The following ITGA3 variants were observed in gnomAD, a reference collection of about 807,000 sequenced individuals.
ITGA3 encodes integrin subunit alpha 3, also known as integrin alpha-3.
Under a neutral mutation model 131.1 loss-of-function variants are expected in ITGA3, and 70 were observed. The ratio of observed to expected loss-of-function variants is 0.53; its 90% CI spans 0.44 to 0.65. The LOEUF (loss-of-function observed/expected upper bound fraction) is 0.65. ITGA3 is among the 30% of genes least tolerant of loss of function. ITGA3 has a pLI of 0.00. For missense variants in ITGA3, 1,098 were observed against 1,388.6 expected (o/e 0.79, Z 3.33); for synonymous variants, 537 against 571.6 (o/e 0.94, Z 0.86).
rs755909226 is a variant in ITGA3, at chr17:50,064,242, G to A, written c.334+38G>A. On this transcript the variant is annotated intron_variant, in intron 2 of 25. Transcript: ENST00000320031. This position sits in a 1 kb window ranked among gnomAD's most constrained non-coding sequence, Gnocchi z 4.4. ...GGCTGGGGAGGGGTGCTGGGTCAGA[G>A]GTCTGGCAGGGGGGTACCGCAGAGA... 6.3e-6 allele frequency: 10 copies of A among 1,580,958 alleles called. No individual in the cohort carries two copies. Among genetic ancestry groups the A allele is most frequent in the Admixed American group, 1.8e-5 (1 of 56,190 alleles).
At position 50,071,299 on chromosome 17, in the gene ITGA3, C is replaced by G; in HGVS notation, c.752-12C>G. 6.2e-7 allele frequency: 1 copy of G among 1,612,420 alleles called. No homozygotes were observed. Among genetic ancestry groups the G allele is most frequent in the Non-Finnish European group, 8.5e-7 (1 of 1,179,248 alleles). ...ACTGGGACCTTGGTTGAACATCTTC[C>G]CTCTATCCCAGGGTACACGATGCAG... On this transcript the variant is annotated splice_polypyrimidine_tract_variant and intron_variant, in intron 5 of 25. Transcript: ENST00000320031.
chr17:50,068,867 A>C (rs1181952501), intron 4 of ITGA3, among the ~76,000 whole-genome samples: 2 of 130,730 alleles, frequency 1.5e-5, no homozygotes, highest in Non-Finnish European at 3.4e-5. Flanking sequence ...TATTTTTTTG[A>C]GACAGAGTCT....
In ITGA3 at chr17:50,085,694, A is replaced by G. The variant is rs545431651; in HGVS notation, c.2920-2050A>G. On this transcript the variant is annotated intron_variant, in intron 23 of 25. Coordinates refer to ENST00000320031, the MANE Select transcript of ITGA3 (RefSeq NM_002204.4). ...AATATATATATTATAGATTTATAATATATATTAGATTATACATTATAGATT... is the reference window on the plus strand; with the variant it reads ...AATATATATATTATAGATTTATAATGTATATTAGATTATACATTATAGATT... 7.1e-4 allele frequency among the ~76,000 whole-genome samples: 88 copies of G among 124,164 alleles called. 1 individual carries two copies. The highest frequency in any genetic ancestry group is 3.2e-3 in the South Asian group (12 of 3,730). 81.5% of individuals were successfully genotyped at this position (124,164 alleles called of 152,430 possible).
In ITGA3 at chr17:50,071,980, G is replaced by A. The variant is rs756071354; in HGVS notation, c.960-6G>A. The A allele has an allele frequency of 1.9e-6, 3 of 1,612,056 alleles. No individual in the cohort carries two copies. Among genetic ancestry groups the A allele is most frequent in the Admixed American group, 3.3e-5 (2 of 59,926 alleles). ...CACACTCCCATTTCCCTCCTCTCCTGTGTAGGTGGCAGGACCTCCTGGTGG... is the reference window on the plus strand; with the variant it reads ...CACACTCCCATTTCCCTCCTCTCCTATGTAGGTGGCAGGACCTCCTGGTGG... On this transcript the variant is annotated splice_region_variant and splice_polypyrimidine_tract_variant and intron_variant, in intron 6 of 25. Transcript: ENST00000320031.
At position 50,076,648 on chromosome 17, in the gene ITGA3, C is replaced by G; in HGVS notation, c.1889C>G (p.Ala630Gly). The G allele has an allele frequency of 1.2e-6, 2 of 1,613,630 alleles. No individual in the cohort carries two copies. The highest frequency in any genetic ancestry group is 2.2e-5 in the South Asian group (2 of 91,082). The change falls in exon 14 of 26, where the codon GCC (alanine) becomes GGC (glycine). Residue 630 changes from alanine (A) to glycine (G), a missense_variant. Ala to Gly is a moderately conservative substitution (Grantham distance 60). This residue lies in a region of ITGA3 where 699 missense variants were observed against 829.2 expected (regional missense o/e 0.84). Coordinates refer to ENST00000320031, the MANE Select transcript of ITGA3 (RefSeq NM_002204.4). ...GAGAGCAACTTGCAGATGCGGGCAG[C>G]CTTCGTGTCAGAGCAGCAGCAGAAG... is the stretch of plus-strand genomic sequence containing the variant. Reference protein sequence around the residue: ...KCESNLQMRAAFVSEQQQKLS... With the variant: ...KCESNLQMRAGFVSEQQQKLS...
At chr17:50,078,685 T>C (rs1909038929) in intron 18 of ITGA3, 139 bp from the exon 19 acceptor site, 1 of 658,060 alleles carries the variant, frequency 1.5e-6, no homozygotes, top group Non-Finnish European at 2.7e-6. Context: ...TCCATAAAGC[T>C]TGTAAATGCA....
chr17:50,087,851 C>T lies in ITGA3; in HGVS notation c.3027C>T (p.Ile1009=), dbSNP rs1348204041. 3.8e-6 allele frequency: 6 copies of T among 1,598,170 alleles called. No individual in the cohort carries two copies. The highest frequency in any genetic ancestry group is 5.1e-6 in the Non-Finnish European group (6 of 1,172,188). ...VGAGLLLLGL[I]ILLLWKCGFF... is the part of the protein sequence containing the mutation. ...CAGGGCTGCTGCTGCTGGGGCTGAT[C>T]ATCCTCCTGCTGTGGAAGGTTAGTA... is the stretch of plus-strand genomic sequence containing the variant. Residue 1009 remains isoleucine, a synonymous_variant, in exon 24 of 26, where the codon ATC becomes ATT. Transcript: ENST00000320031.
In ITGA3 at chr17:50,077,385, G is replaced by A; in HGVS notation, c.2077G>A (p.Ala693Thr). 6.2e-7 allele frequency: 1 copy of A among 1,613,902 alleles called. No individual in the cohort carries two copies. The highest frequency in any genetic ancestry group is 1.1e-5 in the South Asian group (1 of 91,080). ...ATTCGCCTTCTTTCCTCAGCCCGGG[G>A]CCTGCCAAGCTAATGAGACCATCTT... ...LLLSSVRPPG[A>T]CQANETIFCE... The change falls in exon 16 of 26, where the codon GCC becomes ACC. Residue 693 changes from alanine (A) to threonine (T), a missense_variant. By Grantham distance (58) the Ala-to-Thr change is moderately conservative. Around this residue, in one of 3 missense-constraint regions of ITGA3, gnomAD observed 699 missense variants for 829.2 expected, o/e 0.84. Coordinates refer to ENST00000320031, the MANE Select transcript of ITGA3 (RefSeq NM_002204.4).
At chr17:50,087,549 G>T in intron 23 of ITGA3, 195 bp from the exon 24 acceptor site, 1 of 566,048 alleles carries the variant, frequency 1.8e-6, no homozygotes, top group Non-Finnish European at 3.1e-6. Flanking sequence ...CTGGAGTCAA[G>T]TCTGTGCCTG....
intron 14 of ITGA3, 91 bp downstream of exon 14, chr17:50,076,772 C>T (rs1419976233): frequency 3.9e-6 from 5 of 1,292,508 alleles, no homozygotes; most frequent in Non-Finnish European, 5.6e-6. Context: ...CATGGCAAGG[C>T]GAGCCCAGGG....
rs113441627 is a variant in ITGA3, at chr17:50,080,463, GGTGTGTGTGTGTGT to G, written c.2820+118_2820+131del. 176 of 506,240 alleles carry G rather than the reference GGTGTGTGTGTGTGT, an allele frequency of 3.5e-4. 1 individual carries two copies. Among genetic ancestry groups the G allele is most frequent in the Middle Eastern group, 1.9e-3 (4 of 2,088 alleles). 31.4% of individuals were successfully genotyped at this position (506,240 alleles called of 1,614,324 possible). ...AGGGCGAGTCCAGGGTCATAGCATG[GGTGTGTGTGTGTGT>G]GTGTGTGTGTGTGTGTGTGTGTGTG... On this transcript the variant is annotated intron_variant, in intron 22 of 25. Coordinates refer to ENST00000320031, the MANE Select transcript of ITGA3 (RefSeq NM_002204.4).
rs536733738 is a variant in ITGA3, at chr17:50,061,485, C to T, written c.207-2592C>T. Among the ~76,000 whole-genome samples, 24 of 152,136 alleles carry T rather than the reference C, an allele frequency of 1.6e-4. No homozygotes were observed. In the East Asian group the frequency reaches 4.5e-3, roughly 28 times the overall value. On this transcript the variant is annotated intron_variant, in intron 1 of 25. Transcript: ENST00000320031. ...AAGGGGGCAACACTTCCATTACAGGCGTGCCCAAGGCCCGGCCTCCCACTG... is the reference window on the plus strand; with the variant it reads ...AAGGGGGCAACACTTCCATTACAGGTGTGCCCAAGGCCCGGCCTCCCACTG...
Position 50,089,745 on chromosome 17 carries a change from GGT to G in ITGA3, c.*669_*670del, listed in dbSNP as rs1469934442. On this transcript the variant is annotated 3_prime_UTR_variant, in exon 26 of 26. Transcript: ENST00000320031. The stretch of plus-strand genomic sequence containing the variant: ...GGGAGCAGCCCCCGGGCCGCTGGCT[GGT>G]GGGCCCCCAATGACACCCATGCCAG... 5.8e-5 allele frequency: 10 copies of G among 172,044 alleles called. No individual in the cohort carries two copies. In the South Asian group the frequency reaches 1.5e-3, roughly 25 times the overall value. 10.7% of individuals were successfully genotyped at this position (172,044 alleles called of 1,614,324 possible). A position where few individuals can be genotyped will look rare whatever the true frequency, so the allele number is the denominator to read the frequency against.
chr17:50,090,155 A>G lies in ITGA3; in HGVS notation c.*1077A>G, dbSNP rs773536094. 2.3e-6 allele frequency: 1 copy of G among 439,636 alleles called. No homozygotes were observed. The highest frequency in any genetic ancestry group is 4.7e-6 in the Non-Finnish European group (1 of 214,602). The allele number at this position is 439,636 out of a possible 1,614,324, so 27.2% of individuals were successfully genotyped here. On this transcript the variant is annotated 3_prime_UTR_variant, in exon 26 of 26. Coordinates refer to ENST00000320031, the MANE Select transcript of ITGA3 (RefSeq NM_002204.4). ...CACGGAGGGAGCGACACTTGAATGT[A>G]GAATAGGCAGGGGGCCCTGCCCCAC...
rs1338661324 is a variant in ITGA3, at chr17:50,056,399, C to T, written c.-41C>T. Reference sequence around the variant, plus strand: ...CAGGTCCTCACGCCCAGCTCCGCGCCCTCACGCGCTCTCGCCGGGACCCCG... The same window carrying T: ...CAGGTCCTCACGCCCAGCTCCGCGCTCTCACGCGCTCTCGCCGGGACCCCG... On this transcript the variant is annotated 5_prime_UTR_variant, in exon 1 of 26. Coordinates refer to ENST00000320031, the MANE Select transcript of ITGA3 (RefSeq NM_002204.4). The surrounding 1 kb of genome is among the most constrained non-coding windows in gnomAD (Gnocchi z 5.6). 7.2e-7 allele frequency: 1 copy of T among 1,396,032 alleles called. No individual in the cohort carries two copies. The highest frequency in any genetic ancestry group is 1.6e-5 in the South Asian group (1 of 63,934). The allele number at this position is 1,396,032 out of a possible 1,614,324, so 86.5% of individuals were successfully genotyped here. A position where few individuals can be genotyped will look rare whatever the true frequency, so the allele number is the denominator to read the frequency against.
In ITGA3 at chr17:50,079,456, TC is replaced by T; in HGVS notation, c.2609del (p.Pro870HisfsTer33). Reference protein sequence around the residue: ...TLSDPGDRPSSPQRRRRQLDP... With the variant: ...TLSDPGDRPSXPQRRRRQLDP... ...CCAGGACCCTGGGGACAGGCCATCA[TC>T]CCCACAGCGCAGGCGGCGACAGCTG... is the stretch of plus-strand genomic sequence containing the variant. On this transcript the variant is annotated frameshift_variant, in exon 21 of 26. Coordinates refer to ENST00000320031, the MANE Select transcript of ITGA3 (RefSeq NM_002204.4). LOFTEE classifies it high-confidence loss of function. 1 of 1,572,942 alleles carries T rather than the reference TC, an allele frequency of 6.4e-7. No homozygotes were observed. The highest frequency in any genetic ancestry group is 1.9e-5 in the Admixed American group (1 of 53,198).
intron 1 of ITGA3, among the ~76,000 whole-genome samples, chr17:50,057,280 C>T (rs1907875174): frequency 1.3e-5 from 2 of 152,182 alleles, no homozygotes; most frequent in Non-Finnish European, 2.9e-5. Context: ...CTCCTGCCCA[C>T]CCGCAAGCAG....
intron 23 of ITGA3, among the ~76,000 whole-genome samples, chr17:50,083,364 A>T (rs1909261625): frequency 6.6e-6 from 1 of 152,212 alleles, no homozygotes; most frequent in South Asian, 2.1e-4. Context: ...CAGAAGTCAC[A>T]GGAAAATTTT....
Position 50,064,250 on chromosome 17 carries a change from A to AG in ITGA3, c.334+52dup. 7 of 1,573,590 alleles carry AG rather than the reference A, an allele frequency of 4.4e-6. No homozygotes were observed. In the South Asian group the frequency reaches 5.8e-5, roughly 13 times the overall value. On this transcript the variant is annotated intron_variant, in intron 2 of 25. Transcript: ENST00000320031. The surrounding 1 kb of genome is among the most constrained non-coding windows in gnomAD (Gnocchi z 4.4). ...AGGGGTGCTGGGTCAGAGGTCTGGCAGGGGGGTACCGCAGAGAGAATGGCC... is the reference window on the plus strand; with the variant it reads ...AGGGGTGCTGGGTCAGAGGTCTGGCAGGGGGGGTACCGCAGAGAGAATGGCC...
Sources: gnomAD v4.1 joint callset for allele counts (sites outside exome capture counted in the v4.1 genomes callset) on GRCh38, gnomAD v4.1.1 for gene constraint, gnomAD v4.1.1 regional missense constraint, Gnocchi (gnomAD v3.1) non-coding constraint, MANE v1.5 for transcripts, NCBI Gene and HGNC (gene_info 2026-07-23, HGNC 2026-07-21) for gene names.